Variants in SWT1 observed in about 807,000 individuals in gnomAD.
The protein encoded by SWT1 is SWT1 RNA endoribonuclease homolog.
Under a neutral mutation model 107.3 loss-of-function variants are expected in SWT1, and 33 were observed. The observed-to-expected ratio is 0.31, with a 90% CI of 0.23 to 0.41. The LOEUF (loss-of-function observed/expected upper bound fraction) is 0.41, where lower values mean the gene tolerates loss of function less well. Ranked by LOEUF, SWT1 falls within the 10% of genes least tolerant of loss-of-function variation. The pLI is 1.00. For synonymous variants in SWT1, 345 were observed against 348.3 expected, an observed-to-expected ratio of 0.99 and a Z score of 0.11; for missense variants, 898 against 1,028.9, an observed-to-expected ratio of 0.87 and a Z score of 1.74.
intron 10 of SWT1, among the ~76,000 whole-genome samples, chr1:185,196,072 C>G (rs1657361677): frequency 6.6e-6 from 1 of 152,160 alleles, no homozygotes; most frequent in African/African-American, 2.4e-5. Context: ...TTGCCCATGC[C>G]TATGTCCTGA....
intron 14 of SWT1, among the ~76,000 whole-genome samples, chr1:185,221,450 T>C (rs1356285919): frequency 1.3e-5 from 2 of 152,170 alleles, no homozygotes. Context: ...TGATTTTTTT[T>C]TTAAACAACA....
chr1:185,161,831 A>G (rs1553249507), intron 2 of SWT1, among the ~76,000 whole-genome samples: 1 of 152,136 alleles, frequency 6.6e-6, no homozygotes, highest in Non-Finnish European at 1.5e-5. Flanking sequence ...TTCATTATAT[A>G]CTCTCTGAAT....
At chr1:185,189,765 T>G (rs966025296) in intron 9 of SWT1, among the ~76,000 whole-genome samples, 3 of 151,566 alleles carry the variant, frequency 2.0e-5, no homozygotes, top group Non-Finnish European at 4.4e-5. Flanking sequence ...CTTGTCTTTT[T>G]ATGTAAAAAG....
intron 5 of SWT1, among the ~76,000 whole-genome samples, chr1:185,178,560 G>A (rs941548249): frequency 2.0e-5 from 3 of 152,252 alleles, no homozygotes; most frequent in African/African-American, 7.2e-5. Context: ...GGTGGGGGAG[G>A]CAAACAGTTA....
intron 14 of SWT1, 74 bp downstream of exon 14, chr1:185,214,729 T>A: frequency 8.1e-7 from 1 of 1,235,692 alleles, no homozygotes; most frequent in Non-Finnish European, 1.1e-6. Flanking sequence ...CAGACAACAG[T>A]AGGTAAAGGA....
At chr1:185,157,614 A>T (rs1407384311) in intron 1 of SWT1, 9 of 152,430 alleles carry the variant, frequency 5.9e-5, no homozygotes, top group Non-Finnish European at 1.2e-4. Flanking sequence ...CATCCAGCTG[A>T]CTTGGAATTA....
At chr1:185,263,403 C>T (rs78720024) in intron 16 of SWT1, 2,750 of 152,314 alleles carry the variant, frequency 0.018, 74 homozygotes, top group African/African-American at 0.063. Flanking sequence ...CATGGTCCCC[C>T]GGCCTAACTT....
In SWT1 at chr1:185,222,052, G is replaced by T; in HGVS notation, c.2309+16G>T. 2 of 1,457,334 alleles carry T rather than the reference G, an allele frequency of 1.4e-6. No individual in the cohort carries two copies. The highest frequency in any genetic ancestry group is 1.8e-6 in the Non-Finnish European group (2 of 1,098,284). The allele number at this position is 1,457,334 out of a possible 1,614,324, so 90.3% of individuals were successfully genotyped here. ...ATCAGAACAGGTACTAAATTTGGGG[G>T]AATTTTTTTTTAGTTATTTTTTAAA... On this transcript the variant is annotated intron_variant, in intron 15 of 18. Transcript: ENST00000367500.
At chr1:185,276,211 C>G (rs1021844109) in intron 17 of SWT1, among the ~76,000 whole-genome samples, 3 of 151,840 alleles carry the variant, frequency 2.0e-5, no homozygotes, top group Non-Finnish European at 4.4e-5. Context: ...TAACTTAAAC[C>G]TATTAGTTTA....
chr1:185,222,762 CA>C (rs59515070), intron 15 of SWT1, among the ~76,000 whole-genome samples: 655 of 36,078 alleles, frequency 0.018, no homozygotes, highest in East Asian at 0.024. Flanking sequence ...GACGCCATCT[CA>C]AAAAAAAAAA....
In SWT1 at chr1:185,184,816, A is replaced by G; in HGVS notation, c.1314A>G (p.Leu438=). Residue 438 remains leucine (L), a synonymous_variant, in exon 9 of 19, where the codon CTA becomes CTG. Transcript: ENST00000367500. Reference sequence around the variant, plus strand: ...TAGATCGTATGAAGGAAGGAAAACTACTAAAACGTGCCCAGCACAAAGCTA... The same window carrying G: ...TAGATCGTATGAAGGAAGGAAAACTGCTAAAACGTGCCCAGCACAAAGCTA... The part of the protein sequence containing the change: ...QELDRMKEGK[L]LKRAQHKAIP... The G allele has an allele frequency of 6.2e-7, 1 of 1,605,492 alleles. No homozygotes were observed. Among genetic ancestry groups the G allele is most frequent in the Non-Finnish European group, 8.5e-7 (1 of 1,176,778 alleles).
intron 16 of SWT1, among the ~76,000 whole-genome samples, chr1:185,265,965 G>A (rs1663342015): frequency 6.6e-6 from 1 of 151,880 alleles, no homozygotes; most frequent in African/African-American, 2.4e-5. Context: ...ACATTGTCTT[G>A]CCAGAAGGGA....
At chr1:185,233,529 T>A (rs895984837) in intron 16 of SWT1, among the ~76,000 whole-genome samples, 7 of 152,150 alleles carry the variant, frequency 4.6e-5, no homozygotes, top group African/African-American at 1.7e-4. Flanking sequence ...TCAAAAAGAA[T>A]ATCTTTATTT....
chr1:185,225,113 G>T (rs1404692897), intron 15 of SWT1, among the ~76,000 whole-genome samples: 2 of 152,008 alleles, frequency 1.3e-5, no homozygotes, highest in Non-Finnish European at 2.9e-5. Context: ...TTTTTTGGGA[G>T]TTTTTAATCA....
At chr1:185,181,747 G>A (rs1324063613) in intron 6 of SWT1, among the ~76,000 whole-genome samples, 199 bp from the exon 7 acceptor site, 1 of 152,172 alleles carries the variant, frequency 6.6e-6, no homozygotes, top group Non-Finnish European at 1.5e-5. Flanking sequence ...ATAGGTTATG[G>A]AGGTAAGAAG....
At position 185,160,835 on chromosome 1, in the gene SWT1, T is replaced by C. The variant is rs780421918; in HGVS notation, c.-7T>C. 8.1e-6 allele frequency: 13 copies of C among 1,606,800 alleles called. No individual in the cohort carries two copies. The highest frequency in any genetic ancestry group is 4.5e-5 in the South Asian group (4 of 88,856). On this transcript the variant is annotated splice_region_variant and 5_prime_UTR_variant, in exon 2 of 19. Coordinates refer to ENST00000367500, the MANE Select transcript of SWT1 (RefSeq NM_017673.7). ...TATATTTTTAATGTTTATGTTAGCT[T>C]TTCAGGATGTCCAGCAAAGAATCCT... is the stretch of plus-strand genomic sequence containing the variant.
rs1203619880 is a variant in SWT1 at position 185,157,178 on chromosome 1, G to C, written c.-146G>C. ...CGCTGTGGGGCGGTGAGTAGGTAGT[G>C]CGGATGCGGGCGCAGAACTACGTTT... On this transcript the variant is annotated 5_prime_UTR_variant, in exon 1 of 19. Coordinates refer to ENST00000367500, the MANE Select transcript of SWT1 (RefSeq NM_017673.7). 1 of 161,592 alleles carries C rather than the reference G, an allele frequency of 6.2e-6. No homozygotes were observed. The highest frequency in any genetic ancestry group is 1.4e-5 in the Non-Finnish European group (1 of 72,870). 10.0% of individuals were successfully genotyped at this position (161,592 alleles called of 1,614,324 possible). A position where few individuals can be genotyped will look rare whatever the true frequency, so the allele number is the denominator to read the frequency against.
intron 10 of SWT1, among the ~76,000 whole-genome samples, chr1:185,193,896 G>C (rs1360611463): frequency 6.6e-6 from 1 of 152,186 alleles, no homozygotes; most frequent in Admixed American, 6.5e-5. Context: ...CTAAAGCTAT[G>C]GCTTTCTGTT....
chr1:185,217,439 T>C (rs1436600768), intron 14 of SWT1, among the ~76,000 whole-genome samples: 1 of 152,184 alleles, frequency 6.6e-6, no homozygotes. Flanking sequence ...GAACTGTGCA[T>C]ACAAGGGATC....
Sources: allele counts gnomAD v4.1 joint callset (sites outside exome capture counted in the v4.1 genomes callset), GRCh38; gene constraint gnomAD v4.1.1; transcripts MANE v1.5; gene names NCBI Gene and HGNC (gene_info 2026-07-23, HGNC 2026-07-21).